The following CDC42BPB variants were observed in gnomAD, a reference collection of about 807,000 sequenced individuals.
CDC42BPB encodes serine/threonine-protein kinase MRCK beta.
Under a neutral mutation model 214.9 loss-of-function variants are expected in CDC42BPB, and 37 were observed. That is an observed-to-expected ratio of 0.17 (90% CI 0.13 to 0.23). The LOEUF is 0.23. Among genes scored for constraint, CDC42BPB ranks in the 10% least tolerant of loss-of-function variants. The probability of loss-of-function intolerance (pLI) is 1.00; values close to 1 mark genes in which losing one functional copy is unlikely to be tolerated. For missense variants in CDC42BPB, 1,694 were observed against 2,227.0 expected, an observed-to-expected ratio of 0.76 and a Z score of 4.82; for synonymous variants, 931 against 884.0, an observed-to-expected ratio of 1.05 and a Z score of -0.94.
intron 13 of CDC42BPB, 109 bp from the exon 14 acceptor site, chr14:102,970,370 G>A (rs1893421399): frequency 2.7e-6 from 4 of 1,461,048 alleles, no homozygotes; most frequent in South Asian, 2.8e-5. Flanking sequence ...GGAGCTCTGC[G>A]CGTGTTCACC....
chr14:102,993,862 C>T (rs28656240), intron 5 of CDC42BPB, among the ~76,000 whole-genome samples: 1 of 152,092 alleles, frequency 6.6e-6, no homozygotes, highest in African/African-American at 2.4e-5. Flanking sequence ...AGGATAATTA[C>T]ACTACTTTAT....
Position 102,952,499 on chromosome 14 carries a change from C to G in CDC42BPB, c.3171G>C (p.Glu1057Asp). The G allele has an allele frequency of 1.2e-6, 2 of 1,604,812 alleles. No individual in the cohort carries two copies. The highest frequency in any genetic ancestry group is 1.7e-6 in the Non-Finnish European group (2 of 1,172,764). Residue 1057 changes from glutamate to aspartate, a missense_variant and splice_region_variant, in exon 24 of 37, where the codon GAG becomes GAC. Transcript: ENST00000361246. ...VGLIRQGYAC[E>D]VCSFACHVSC... The stretch of plus-strand genomic sequence containing the variant: ...CCCAGGAGCTGCAACGACACTCACC[C>G]TCGCAGGCGTAGCCCTGCCGGATCA...
At chr14:103,003,547 G>A (rs1038471121) in intron 4 of CDC42BPB, among the ~76,000 whole-genome samples, 1 of 152,228 alleles carries the variant, frequency 6.6e-6, no homozygotes, top group South Asian at 2.1e-4. Context: ...GCCCACGAGA[G>A]GCACTCCCGG....
At position 102,946,499 on chromosome 14, in the gene CDC42BPB, GA is replaced by G; in HGVS notation, c.3716del (p.Leu1239ProfsTer6). ...PLEAYDSSLP[L>X]IKAILTAAIV... Reference sequence around the variant, plus strand: ...TGGCAGCTGTCAGGATGGCCTTGATGAGAGGCAGCGAGCTGTCGTAGGCTTC... The same window carrying G: ...TGGCAGCTGTCAGGATGGCCTTGATGGAGGCAGCGAGCTGTCGTAGGCTTC... On this transcript the variant is annotated frameshift_variant, in exon 28 of 37. Coordinates refer to ENST00000361246, the MANE Select transcript of CDC42BPB (RefSeq NM_006035.4). LOFTEE classifies it high-confidence loss of function. 6.2e-7 allele frequency: 1 copy of G among 1,612,776 alleles called. No individual in the cohort carries two copies. The highest frequency in any genetic ancestry group is 8.5e-7 in the Non-Finnish European group (1 of 1,179,954).
intron 7 of CDC42BPB, among the ~76,000 whole-genome samples, chr14:102,981,814 T>A (rs530708586): frequency 6.6e-6 from 1 of 152,260 alleles, no homozygotes; most frequent in Non-Finnish European, 1.5e-5. Flanking sequence ...AAAAGGAACA[T>A]GTCTGTGTGC....
intron 36 of CDC42BPB, chr14:102,934,180 C>T: frequency 3.5e-6 from 1 of 287,510 alleles, no homozygotes; most frequent in Non-Finnish European, 5.8e-6. Flanking sequence ...GTGGATCACA[C>T]TTGAGGTCAG....
chr14:102,980,956 T>C lies in CDC42BPB; in HGVS notation c.957A>G (p.Arg319=). 6.2e-7 allele frequency: 1 copy of C among 1,614,158 alleles called. No homozygotes were observed. The highest frequency in any genetic ancestry group is 8.5e-7 in the Non-Finnish European group (1 of 1,180,036). The change falls in exon 8 of 37, where the codon AGA becomes AGG. Residue 319 remains arginine (R), a synonymous_variant. Coordinates refer to ENST00000361246, the MANE Select transcript of CDC42BPB (RefSeq NM_006035.4). ...VSEEAKDLIQ[R]LICSRERRLG... ...GCCGGCGTTCTCTACTGCAGATCAG[T>C]CTCTGGATGAGGTCCTTCGCTTCTT...
In CDC42BPB at chr14:103,023,606, C is replaced by T. The variant is rs1221696898; in HGVS notation, c.176-11418G>A. 3.3e-5 allele frequency among the ~76,000 whole-genome samples: 5 copies of T among 152,228 alleles called. No homozygotes were observed. The South Asian group carries it at 6.2e-4, about 19-fold the overall frequency. ...ACAGGCATGAACCACTATACCTGAT[C>T]CTAATTGTTTTTTCTTTGGTAGAAA... On this transcript the variant is annotated intron_variant, in intron 1 of 36. Coordinates refer to ENST00000361246, the MANE Select transcript of CDC42BPB (RefSeq NM_006035.4).
rs749306580 is a variant in CDC42BPB, at chr14:102,976,075, T to C, written c.1221-26A>G. ...CTGGGAAACCAAGCAACAGGTTTTTTTGATCTACTGAAAATTTAGCGATTT... is the reference window on the plus strand; with the variant it reads ...CTGGGAAACCAAGCAACAGGTTTTTCTGATCTACTGAAAATTTAGCGATTT... On this transcript the variant is annotated intron_variant, in intron 9 of 36. Coordinates refer to ENST00000361246, the MANE Select transcript of CDC42BPB (RefSeq NM_006035.4). 12 of 1,603,404 alleles carry C rather than the reference T, an allele frequency of 7.5e-6. No homozygotes were observed. The South Asian group carries it at 7.7e-5, about 10-fold the overall frequency.
chr14:102,988,866 C>G (rs555138026), intron 5 of CDC42BPB, among the ~76,000 whole-genome samples: 3 of 135,522 alleles, frequency 2.2e-5, no homozygotes, highest in South Asian at 2.4e-4. Context: ...AACAACCCCC[C>G]CTTCCAAAAA....
Position 103,039,930 on chromosome 14 carries a change from T to C in CDC42BPB, c.175+17069A>G, listed in dbSNP as rs189530181. ...AAACTACTAAAACTAATTAAAAAGT[T>C]CAGCAATTTTGCAGGATAAAAGATC... On this transcript the variant is annotated intron_variant, in intron 1 of 36. Transcript: ENST00000361246. Among the ~76,000 whole-genome samples, 680 of 152,294 alleles carry C rather than the reference T, an allele frequency of 4.5e-3. 9 individuals carry two copies. The highest frequency in any genetic ancestry group is 0.016 in the African/African-American group (649 of 41,558).
At chr14:102,982,347 G>A (rs1186672286) in intron 7 of CDC42BPB, among the ~76,000 whole-genome samples, 5 of 152,190 alleles carry the variant, frequency 3.3e-5, no homozygotes, top group African/African-American at 2.4e-5. Flanking sequence ...CGAACTGTGG[G>A]AGGCCCTGGC....
chr14:103,027,968 A>T (rs1446684763), intron 1 of CDC42BPB, among the ~76,000 whole-genome samples: 1 of 152,172 alleles, frequency 6.6e-6, no homozygotes. Context: ...CATCTCTACT[A>T]AAAATACAAA....
chr14:102,982,490 T>C (rs1307247614), intron 7 of CDC42BPB, among the ~76,000 whole-genome samples: 3 of 152,124 alleles, frequency 2.0e-5, no homozygotes, highest in Non-Finnish European at 4.4e-5. Context: ...CATGACTGAC[T>C]GGGTGCGATG....
intron 18 of CDC42BPB, chr14:102,964,927 C>CTT (rs926008057): frequency 2.5e-4 from 74 of 297,754 alleles, no homozygotes; most frequent in Non-Finnish European, 3.2e-4. Flanking sequence ...CTTTTCTTTT[C>CTT]TTTTTTTTTT....
At chr14:103,036,784 C>T (rs1456926500) in intron 1 of CDC42BPB, among the ~76,000 whole-genome samples, 1 of 152,114 alleles carries the variant, frequency 6.6e-6, no homozygotes, top group African/African-American at 2.4e-5. Context: ...AACCATATTT[C>T]AACATTAATT....
intron 3 of CDC42BPB, among the ~76,000 whole-genome samples, chr14:103,005,523 C>A (rs993726015): frequency 1.2e-4 from 18 of 151,322 alleles, no homozygotes; most frequent in Non-Finnish European, 4.4e-5. Context: ...GCCTGGGCAA[C>A]ATAGTGAGAC....
intron 1 of CDC42BPB, among the ~76,000 whole-genome samples, chr14:103,018,948 G>A (rs879538145): frequency 2.0e-5 from 3 of 152,034 alleles, no homozygotes; most frequent in Non-Finnish European, 4.4e-5. Flanking sequence ...CGGTTTTTTG[G>A]TTTGTTTGTT....
chr14:102,994,470 C>T (rs966921263), intron 5 of CDC42BPB, among the ~76,000 whole-genome samples: 1 of 152,128 alleles, frequency 6.6e-6, no homozygotes, highest in African/African-American at 2.4e-5. Context: ...GGCTCCCAAC[C>T]GCCGAGGCCT....
Sources: gnomAD v4.1 joint callset for allele counts (sites outside exome capture counted in the v4.1 genomes callset) on GRCh38, gnomAD v4.1.1 for gene constraint, MANE v1.5 for transcripts, NCBI Gene and HGNC (gene_info 2026-07-23, HGNC 2026-07-21) for gene names.